Variants in NIN observed in about 807,000 individuals in gnomAD.
NIN encodes glycogen synthase kinase 3 beta-interacting protein.
A neutral mutation model predicts 257.6 loss-of-function variants in NIN; 137 were observed. The ratio of observed to expected loss-of-function variants is 0.53; its 90% CI spans 0.46 to 0.61. The LOEUF (loss-of-function observed/expected upper bound fraction) is 0.61, where lower values mean the gene tolerates loss of function less well. Ranked by LOEUF, NIN falls within the 20% of genes least tolerant of loss-of-function variation. NIN has a pLI of 0.00. For missense variants in NIN, 2,439 were observed against 2,501.2 expected (o/e 0.98, Z 0.53); for synonymous variants, 918 against 919.8 (o/e 1.00, Z 0.04).
chr14:50,723,976 T>C (rs76623432), intron 30 of NIN: 3,034 of 302,152 alleles, frequency 0.01, 86 homozygotes, highest in African/African-American at 0.059. Flanking sequence ...TCTGTATTTA[T>C]TCTTTAAAAA....
chr14:50,747,949 A>G (rs2041623968), intron 22 of NIN, 43 bp downstream of exon 22: 2 of 1,276,244 alleles, frequency 1.6e-6, no homozygotes, highest in Non-Finnish European at 2.3e-6. Context: ...CCCACCAGGT[A>G]CATATTGTTC....
chr14:50,775,396 G>T (rs2042884437), intron 7 of NIN, among the ~76,000 whole-genome samples: 1 of 152,064 alleles, frequency 6.6e-6, no homozygotes, highest in African/African-American at 2.4e-5. Flanking sequence ...TGAAAGCAGG[G>T]AACAGCCACG....
intron 28 of NIN, among the ~76,000 whole-genome samples, chr14:50,732,406 C>T (rs983728024): frequency 7.9e-5 from 12 of 152,194 alleles, no homozygotes; most frequent in African/African-American, 2.9e-4. Flanking sequence ...CCCAAATTAA[C>T]CTACTCTATA....
chr14:50,800,785 C>CT (rs11362674), intron 4 of NIN, among the ~76,000 whole-genome samples: 5,767 of 138,758 alleles, frequency 0.042, 122 homozygotes, highest in Non-Finnish European at 0.047. Flanking sequence ...TTTTTCTTTG[C>CT]TTTTTTTTTT....
chr14:50,758,782 T>C, intron 17 of NIN, 152 bp from the exon 18 acceptor site: 1 of 634,810 alleles, frequency 1.6e-6, no homozygotes, highest in South Asian at 2.8e-5. Flanking sequence ...GATTCATTTA[T>C]ACTGGAAAGG....
intron 5 of NIN, among the ~76,000 whole-genome samples, chr14:50,786,101 C>G (rs182254927): frequency 5.2e-4 from 79 of 152,208 alleles, no homozygotes; most frequent in African/African-American, 1.8e-3. Flanking sequence ...ACTGCTGGTC[C>G]AAGGAAATGC....
intron 3 of NIN, among the ~76,000 whole-genome samples, chr14:50,810,225 C>T (rs1165472919): frequency 8.7e-5 from 12 of 137,236 alleles, no homozygotes; most frequent in East Asian, 2.2e-4. Flanking sequence ...AGTGAGACTC[C>T]GTCTCAAAAA....
At chr14:50,805,996 A>G (rs2142190495) in intron 4 of NIN, 1 of 152,260 alleles carries the variant, frequency 6.6e-6, no homozygotes, top group African/African-American at 2.4e-5. Context: ...TATTTCATTG[A>G]TTTGAAGACA....
chr14:50,733,594 ATAATGT>A (rs1435902911), intron 28 of NIN, among the ~76,000 whole-genome samples: 3 of 152,194 alleles, frequency 2.0e-5, no homozygotes, highest in African/African-American at 4.8e-5. Context: ...ACGATGGCTA[ATAATGT>A]TAATGGGTGC....
chr14:50,830,668 C>G (rs973428296), intron 1 of NIN, 151 bp from the exon 2 acceptor site: 4 of 166,108 alleles, frequency 2.4e-5, no homozygotes, highest in African/African-American at 9.7e-5. Flanking sequence ...CCAGCTCTTA[C>G]AAAAGCGCGG....
chr14:50,753,228 C>T (rs2041872384), intron 20 of NIN, among the ~76,000 whole-genome samples: 2 of 152,070 alleles, frequency 1.3e-5, no homozygotes, highest in South Asian at 4.2e-4. Flanking sequence ...GATGAAACCC[C>T]ATCTCTACTA....
At position 50,721,460 on chromosome 14, in the gene NIN, G is replaced by C. The variant is rs1156626328; in HGVS notation, c.*2003C>G. On this transcript the variant is annotated 3_prime_UTR_variant, in exon 31 of 31. Transcript: ENST00000530997. ...GAAATATTATTGTTCAGTTCCAACA[G>C]CAATAACTTTGAGTAACTTGACACA... The C allele has an allele frequency of 3.2e-5, 7 of 216,902 alleles. No individual in the cohort carries two copies. Among genetic ancestry groups the C allele is most frequent in the Middle Eastern group, 1.4e-3 (1 of 698 alleles). 13.4% of individuals were successfully genotyped at this position (216,902 alleles called of 1,614,324 possible).
rs763235587 is a variant in NIN, at chr14:50,756,465, G to A, written c.4538+27C>T. ...TCTGGTGAGGTGCTCTGTGGGATTC[G>A]TGACGTCTAGAAGGTACATACATTA... On this transcript the variant is annotated intron_variant, in intron 18 of 30. Coordinates refer to ENST00000530997, the MANE Select transcript of NIN (RefSeq NM_020921.4). The A allele has an allele frequency of 7.4e-5, 115 of 1,549,720 alleles. No homozygotes were observed. In the Admixed American group the frequency reaches 1.9e-3, roughly 26 times the overall value.
intron 28 of NIN, chr14:50,730,899 G>T: frequency 1.5e-6 from 2 of 1,336,466 alleles, no homozygotes; most frequent in Non-Finnish European, 2.0e-6. Flanking sequence ...TGCTATGAAA[G>T]TTCATTGAAA....
At chr14:50,823,402 C>CT in intron 2 of NIN, 1 of 462,204 alleles carries the variant, frequency 2.2e-6, no homozygotes, top group Non-Finnish European at 4.4e-6. Context: ...ACAGAACTCT[C>CT]TAACTTAGAG....
Position 50,749,815 on chromosome 14 carries a change from G to A in NIN, c.4951-1710C>T, listed in dbSNP as rs575523081. On this transcript the variant is annotated intron_variant, in intron 21 of 30. Coordinates refer to ENST00000530997, the MANE Select transcript of NIN (RefSeq NM_020921.4). ...AGCGATTCTCCTGCCTCAGCCTCCT[G>A]AATAGCTGGGACTATAGGGGCATGC... Among the ~76,000 whole-genome samples, 3 of 152,092 alleles carry A rather than the reference G, an allele frequency of 2.0e-5. No homozygotes were observed. In the East Asian group the frequency reaches 5.8e-4, roughly 29 times the overall value.
intron 2 of NIN, chr14:50,823,122 C>A: frequency 2.0e-6 from 1 of 512,722 alleles, no homozygotes; most frequent in Non-Finnish European, 3.9e-6. Flanking sequence ...TCATAAAATT[C>A]CAGGTAGCTC....
intron 5 of NIN, among the ~76,000 whole-genome samples, chr14:50,791,878 G>C (rs566712006): frequency 1.3e-5 from 2 of 151,454 alleles, no homozygotes; most frequent in African/African-American, 4.9e-5. Flanking sequence ...TCAGAAAGTT[G>C]AGGCGCTTTG....
At chr14:50,764,456 C>T (rs145351072) in intron 14 of NIN, among the ~76,000 whole-genome samples, 226 of 152,214 alleles carry the variant, frequency 1.5e-3, no homozygotes, top group Non-Finnish European at 2.3e-3. Flanking sequence ...GTTCCTAAAA[C>T]GGTTAAACAT....
Sources: allele counts gnomAD v4.1 joint callset (sites outside exome capture counted in the v4.1 genomes callset), GRCh38; gene constraint gnomAD v4.1.1; transcripts MANE v1.5; gene names NCBI Gene and HGNC (gene_info 2026-07-23, HGNC 2026-07-21).